Variants in PPARGC1B observed in about 807,000 individuals in gnomAD.
PPARGC1B encodes PPARG coactivator 1 beta.
PPARGC1B carries 34 observed loss-of-function variants against 101.6 expected under a neutral mutation model. That is an observed-to-expected ratio of 0.33 (90% CI 0.25 to 0.45). PPARGC1B has a LOEUF of 0.45. Among genes scored for constraint, PPARGC1B ranks in the 20% least tolerant of loss-of-function variants. PPARGC1B has a pLI of 1.00. For synonymous variants in PPARGC1B, 548 were observed against 539.3 expected (o/e 1.02, Z -0.22); for missense variants, 1,234 against 1,317.6 (o/e 0.94, Z 0.98).
chr5:149,827,080 G>T lies in PPARGC1B; in HGVS notation c.465+195G>T, dbSNP rs185785800. On this transcript the variant is annotated intron_variant, in intron 3 of 11. Transcript: ENST00000309241. ...CTTAACCTTTCCCACCTAGACAGAG[G>T]TACTAACGACAGAGGCTTCACCTGC... 7.2e-5 allele frequency among the ~76,000 whole-genome samples: 11 copies of T among 152,358 alleles called. No homozygotes were observed. In the East Asian group the frequency reaches 2.1e-3, roughly 29 times the overall value.
chr5:149,845,526 T>C, intron 10 of PPARGC1B: 1 of 524,430 alleles, frequency 1.9e-6, no homozygotes, highest in Non-Finnish European at 3.4e-6. Flanking sequence ...ATCTGAGGAG[T>C]GTCTGAGGCA....
intron 8 of PPARGC1B, among the ~76,000 whole-genome samples, chr5:149,839,508 G>A (rs1314060927): frequency 1.3e-5 from 2 of 152,212 alleles, no homozygotes; most frequent in African/African-American, 4.8e-5. Context: ...TGGAAGCATG[G>A]AGCTGCAATG....
chr5:149,736,760 T>C (rs886755820), intron 1 of PPARGC1B, among the ~76,000 whole-genome samples: 5 of 152,188 alleles, frequency 3.3e-5, no homozygotes, highest in Non-Finnish European at 5.9e-5. Context: ...TTTTTTTTTC[T>C]TTTAAGACTT....
At chr5:149,739,620 G>A (rs186369688) in intron 1 of PPARGC1B, among the ~76,000 whole-genome samples, 201 of 152,264 alleles carry the variant, frequency 1.3e-3, no homozygotes, top group African/African-American at 4.4e-3. Flanking sequence ...TGCGAGGTGC[G>A]GTGGGCCTTA....
chr5:149,828,935 C>T (rs1437621720), intron 3 of PPARGC1B, among the ~76,000 whole-genome samples: 1 of 151,742 alleles, frequency 6.6e-6, no homozygotes, highest in East Asian at 1.9e-4. Flanking sequence ...CCTGTAGTCC[C>T]AGCTACTCTG....
At chr5:149,749,656 T>C (rs1269368558) in intron 1 of PPARGC1B, among the ~76,000 whole-genome samples, 1 of 152,216 alleles carries the variant, frequency 6.6e-6, no homozygotes, top group African/African-American at 2.4e-5. Context: ...TCTTGTTTTT[T>C]GCATCTGTGC....
intron 1 of PPARGC1B, among the ~76,000 whole-genome samples, chr5:149,775,442 A>G (rs1224625548): frequency 6.6e-6 from 1 of 152,088 alleles, no homozygotes; most frequent in East Asian, 1.9e-4. Context: ...AGGGTGACGC[A>G]TGTGGCCACA....
chr5:149,730,326 G>A lies in PPARGC1B; in HGVS notation c.-17G>A. Reference sequence around the variant, plus strand: ...CTCGGCGTTGACTCCGCCGCACGCTGCAGCCGCGGCTGGAAGATGGCGGGG... The same window carrying A: ...CTCGGCGTTGACTCCGCCGCACGCTACAGCCGCGGCTGGAAGATGGCGGGG... On this transcript the variant is annotated 5_prime_UTR_variant, in exon 1 of 12. Transcript: ENST00000309241. This position sits in a 1 kb window ranked among gnomAD's most constrained non-coding sequence, Gnocchi z 4.0. 1.9e-6 allele frequency: 3 copies of A among 1,547,086 alleles called. No homozygotes were observed. The highest frequency in any genetic ancestry group is 2.6e-6 in the Non-Finnish European group (3 of 1,148,868).
At chr5:149,800,157 G>T (rs1253587601) in intron 1 of PPARGC1B, among the ~76,000 whole-genome samples, 1 of 152,096 alleles carries the variant, frequency 6.6e-6, no homozygotes, top group African/African-American at 2.4e-5. Flanking sequence ...TACTATTCTT[G>T]TGTGTCCTTC....
rs1217991230 is a variant in PPARGC1B, at chr5:149,833,634, G to A, written c.1561G>A (p.Glu521Lys). 1 of 1,610,130 alleles carries A rather than the reference G, an allele frequency of 6.2e-7. No homozygotes were observed. Reference sequence around the variant, plus strand: ...TCCCAAGGCCTACGACGTAGAGCGGGAGCTGGGCAGCCCCACGGACGAGGA... The same window carrying A: ...TCCCAAGGCCTACGACGTAGAGCGGAAGCTGGGCAGCCCCACGGACGAGGA... Reference protein sequence around the residue: ...LAPKAYDVERELGSPTDEDSG... With the variant: ...LAPKAYDVERKLGSPTDEDSG... The change falls in exon 5 of 12, where the codon GAG (glutamate) becomes AAG (lysine). Residue 521 changes from glutamate (E) to lysine (K), a missense_variant. By Grantham distance (56) the Glu-to-Lys change is moderately conservative (BLOSUM62 1). This residue lies in a region of PPARGC1B where 734 missense variants were observed against 768.4 expected (regional missense o/e 0.96). Coordinates refer to ENST00000309241, the MANE Select transcript of PPARGC1B (RefSeq NM_133263.4). This position sits in a 1 kb window ranked among gnomAD's most constrained non-coding sequence, Gnocchi z 4.1.
rs765529615 is a variant in PPARGC1B at position 149,836,605 on chromosome 5, T to C, written c.2150T>C (p.Val717Ala). Reference sequence around the variant, plus strand: ...CTGAGGTCCTGGGAGCCGTCTGGGGTTCACCTTGAGGACTGGCCCCAGCAG... The same window carrying C: ...CTGAGGTCCTGGGAGCCGTCTGGGGCTCACCTTGAGGACTGGCCCCAGCAG... ...KVLRSWEPSG[V>A]HLEDWPQQGA... is the part of the protein sequence containing the mutation. The change falls in exon 8 of 12, where the codon GTT becomes GCT. Residue 717 changes from valine to alanine, a missense_variant. Transcript: ENST00000309241. The C allele has an allele frequency of 1.9e-6, 3 of 1,613,832 alleles. No individual in the cohort carries two copies. Among genetic ancestry groups the C allele is most frequent in the Non-Finnish European group, 2.5e-6 (3 of 1,180,030 alleles).
chr5:149,783,327 G>A (rs1331870881), intron 1 of PPARGC1B, among the ~76,000 whole-genome samples: 1 of 152,212 alleles, frequency 6.6e-6, no homozygotes, highest in Admixed American at 6.5e-5. Context: ...AGGGGATCAA[G>A]TGACCTTAAT....
intron 1 of PPARGC1B, among the ~76,000 whole-genome samples, chr5:149,791,595 G>GA (rs1757022925): frequency 6.6e-6 from 1 of 152,138 alleles, no homozygotes; most frequent in South Asian, 2.1e-4. Flanking sequence ...TTATGGTCTG[G>GA]AGAGGCTGGT....
At chr5:149,758,041 C>T (rs1373188359) in intron 1 of PPARGC1B, among the ~76,000 whole-genome samples, 2 of 152,248 alleles carry the variant, frequency 1.3e-5, no homozygotes, top group African/African-American at 4.8e-5. Flanking sequence ...CTCCCTCTTG[C>T]CCTTATTCCA....
At chr5:149,773,256 A>G (rs1015284924) in intron 1 of PPARGC1B, among the ~76,000 whole-genome samples, 2 of 152,242 alleles carry the variant, frequency 1.3e-5, no homozygotes, top group Non-Finnish European at 1.5e-5. Flanking sequence ...CATGTCTCTT[A>G]CTAATCCAAA....
intron 1 of PPARGC1B, among the ~76,000 whole-genome samples, chr5:149,734,057 C>T (rs1404617734): frequency 6.6e-6 from 1 of 152,062 alleles, no homozygotes; most frequent in African/African-American, 2.4e-5. Flanking sequence ...CACGGTGGCT[C>T]ACCCCTGTAA....
intron 10 of PPARGC1B, among the ~76,000 whole-genome samples, chr5:149,843,638 C>T (rs1336411637): frequency 3.3e-5 from 5 of 152,136 alleles, no homozygotes; most frequent in East Asian, 3.8e-4. Flanking sequence ...ATTCCACTTA[C>T]GGGTATATAT....
chr5:149,814,921 A>G (rs998777343), intron 1 of PPARGC1B, among the ~76,000 whole-genome samples: 1 of 152,200 alleles, frequency 6.6e-6, no homozygotes, highest in African/African-American at 2.4e-5. Flanking sequence ...GGCCCTACAC[A>G]CGGGCCGTAC....
chr5:149,742,661 C>G (rs1404332333), intron 1 of PPARGC1B, among the ~76,000 whole-genome samples: 1 of 152,156 alleles, frequency 6.6e-6, no homozygotes, highest in African/African-American at 2.4e-5. Context: ...CCATTAGGTG[C>G]TTTACCTTGT....
Sources: gnomAD v4.1 joint callset for allele counts (sites outside exome capture counted in the v4.1 genomes callset) on GRCh38, gnomAD v4.1.1 for gene constraint, gnomAD v4.1.1 regional missense constraint, Gnocchi (gnomAD v3.1) non-coding constraint, MANE v1.5 for transcripts, NCBI Gene and HGNC (gene_info 2026-07-23, HGNC 2026-07-21) for gene names.